The following ARHGAP26 variants were observed in gnomAD, a reference collection of about 807,000 sequenced individuals.
ARHGAP26 encodes rho GTPase-activating protein 26.
In ARHGAP26, 38 loss-of-function variants were observed where a neutral mutation model predicts 104.8. That is an observed-to-expected ratio of 0.36 (90% CI 0.28 to 0.48). The LOEUF is 0.48. Ranked by LOEUF, ARHGAP26 falls within the 20% of genes least tolerant of loss-of-function variation. The probability of loss-of-function intolerance (pLI) is 0.99; values close to 1 mark genes in which losing one functional copy is unlikely to be tolerated. For synonymous variants in ARHGAP26, 341 were observed against 340.0 expected (o/e 1.00, Z -0.03); for missense variants, 704 against 947.9 (o/e 0.74, Z 3.38).
intron 1 of ARHGAP26, among the ~76,000 whole-genome samples, chr5:142,832,048 T>C (rs976101714): frequency 2.6e-5 from 4 of 152,178 alleles, no homozygotes; most frequent in South Asian, 4.1e-4. Context: ...TATGAAGACA[T>C]ACCAAAACTG....
chr5:143,147,409 C>G (rs200028591), intron 20 of ARHGAP26, 28 bp downstream of exon 20: 44 of 1,602,174 alleles, frequency 2.7e-5, no homozygotes, highest in African/African-American at 2.0e-4. Flanking sequence ...CTGCCTACCC[C>G]ACAAGGGCTT....
chr5:143,012,418 T>G (rs533378842), intron 11 of ARHGAP26, among the ~76,000 whole-genome samples: 1 of 149,516 alleles, frequency 6.7e-6, no homozygotes, highest in South Asian at 2.1e-4. Flanking sequence ...ATTTCTTAAG[T>G]GAAAAATCCC....
At chr5:143,034,933 G>A (rs13155105) in intron 12 of ARHGAP26, among the ~76,000 whole-genome samples, 9,165 of 152,196 alleles carry the variant, frequency 0.06, 629 homozygotes, top group African/African-American at 0.16. Flanking sequence ...AATTTGCAGA[G>A]CAAATACTTT....
chr5:142,937,519 A>G (rs1215741943), intron 11 of ARHGAP26, among the ~76,000 whole-genome samples: 1 of 152,238 alleles, frequency 6.6e-6, no homozygotes, highest in African/African-American at 2.4e-5. Flanking sequence ...CTGTTACTCT[A>G]TGACACAGCA....
chr5:142,966,461 C>T (rs1562171958), intron 11 of ARHGAP26, among the ~76,000 whole-genome samples: 1 of 152,106 alleles, frequency 6.6e-6, no homozygotes, highest in Non-Finnish European at 1.5e-5. Context: ...AATACTTGGC[C>T]TCCTAATTGC....
At chr5:142,867,701 C>T (rs530691951) in intron 1 of ARHGAP26, among the ~76,000 whole-genome samples, 70 of 152,232 alleles carry the variant, frequency 4.6e-4, no homozygotes, top group Non-Finnish European at 8.7e-4. Context: ...TTATTTTATG[C>T]TCCTGCTGGT....
At chr5:142,879,533 T>C in intron 4 of ARHGAP26, 88 bp downstream of exon 4, 1 of 1,258,020 alleles carries the variant, frequency 7.9e-7, no homozygotes, top group Non-Finnish European at 1.1e-6. Flanking sequence ...TCTTCAGAAA[T>C]GTCTTCAGAA....
At chr5:142,903,093 C>G (rs1274659376) in intron 7 of ARHGAP26, among the ~76,000 whole-genome samples, 2 of 152,170 alleles carry the variant, frequency 1.3e-5, no homozygotes, top group African/African-American at 4.8e-5. Context: ...GCAGGCTGAC[C>G]TTGAGTGAAG....
chr5:142,808,007 G>A (rs530351645), intron 1 of ARHGAP26, among the ~76,000 whole-genome samples: 187 of 151,934 alleles, frequency 1.2e-3, no homozygotes, highest in Admixed American at 2.8e-3. Context: ...AGGCCGAGGC[G>A]GGCGGATCAC....
intron 11 of ARHGAP26, among the ~76,000 whole-genome samples, chr5:143,000,981 A>G (rs1161500267): frequency 6.6e-6 from 1 of 152,126 alleles, no homozygotes; most frequent in African/African-American, 2.4e-5. Context: ...CTAACATGGC[A>G]CATGTATACC....
intron 21 of ARHGAP26, among the ~76,000 whole-genome samples, chr5:143,208,366 T>A (rs1269602481): frequency 1.3e-5 from 2 of 152,198 alleles, no homozygotes; most frequent in Non-Finnish European, 2.9e-5. Flanking sequence ...TATTTTCCCT[T>A]CTGTCTTTTT....
chr5:142,913,854 G>A (rs1324956394), intron 10 of ARHGAP26, among the ~76,000 whole-genome samples: 2 of 152,106 alleles, frequency 1.3e-5, no homozygotes, highest in Non-Finnish European at 1.5e-5. Context: ...TGTATTCCTC[G>A]AGATTTATAG....
At chr5:142,894,602 A>G (rs1000524304) in intron 6 of ARHGAP26, among the ~76,000 whole-genome samples, 2 of 152,206 alleles carry the variant, frequency 1.3e-5, no homozygotes, top group South Asian at 2.1e-4. Context: ...ATGATGTGCC[A>G]TATGATTTTC....
chr5:142,772,138 C>A (rs943844168), intron 1 of ARHGAP26, among the ~76,000 whole-genome samples: 1 of 152,152 alleles, frequency 6.6e-6, no homozygotes, highest in African/African-American at 2.4e-5. Flanking sequence ...AGGGCACTTA[C>A]AAAAGTCAGG....
At chr5:143,027,498 A>G (rs1781233314) in intron 12 of ARHGAP26, among the ~76,000 whole-genome samples, 2 of 151,854 alleles carry the variant, frequency 1.3e-5, no homozygotes, top group Admixed American at 1.3e-4. Context: ...TTTTAAATAT[A>G]TACATATACT....
chr5:143,065,846 C>A (rs1266488260), intron 17 of ARHGAP26, among the ~76,000 whole-genome samples: 1 of 152,202 alleles, frequency 6.6e-6, no homozygotes, highest in Non-Finnish European at 1.5e-5. Context: ...AGGGGAAAAC[C>A]TTTGGCCAGT....
intron 20 of ARHGAP26, among the ~76,000 whole-genome samples, chr5:143,153,779 T>C (rs121882): frequency 0.59 from 90,013 of 151,994 alleles, 26,839 homozygotes; most frequent in Middle Eastern, 0.76. Flanking sequence ...CTCGTCCTTC[T>C]GTCTTAACAC....
intron 20 of ARHGAP26, among the ~76,000 whole-genome samples, chr5:143,167,875 T>A (rs996579740): frequency 2.6e-5 from 4 of 152,178 alleles, no homozygotes; most frequent in African/African-American, 4.8e-5. Flanking sequence ...TCTCTGCCAT[T>A]CAACAGATTT....
chr5:142,894,703 C>T (rs1194990601), intron 6 of ARHGAP26, among the ~76,000 whole-genome samples: 1 of 152,210 alleles, frequency 6.6e-6, no homozygotes, highest in African/African-American at 2.4e-5. Context: ...CCTCCTCTCT[C>T]CTACCCTTCT....
Sources: allele counts gnomAD v4.1 joint callset (sites outside exome capture counted in the v4.1 genomes callset), GRCh38; gene constraint gnomAD v4.1.1; transcripts MANE v1.5; gene names NCBI Gene and HGNC (gene_info 2026-07-23, HGNC 2026-07-21).